CLEC5A: variants seen among roughly 807,000 people sequenced by gnomAD.
CLEC5A encodes C-type lectin domain family 5 member A.
In CLEC5A, 15 loss-of-function variants were observed where a neutral mutation model predicts 24.4. That is an observed-to-expected ratio of 0.62 (90% CI 0.41 to 0.95). The LOEUF is 0.95. Ranked by LOEUF, CLEC5A falls within the 40% of genes least tolerant of loss-of-function variation. CLEC5A has a pLI of 0.00. For synonymous variants in CLEC5A, 71 were observed against 72.6 expected, an observed-to-expected ratio of 0.98 and a Z score of 0.11; for missense variants, 211 against 224.0, an observed-to-expected ratio of 0.94 and a Z score of 0.37.
rs1197763202 is a variant in CLEC5A at position 141,929,550 on chromosome 7, T to C, written c.*554A>G. 1 of 152,374 alleles carries C rather than the reference T, an allele frequency of 6.6e-6. No homozygotes were observed. Among genetic ancestry groups the C allele is most frequent in the East Asian group, 1.9e-4 (1 of 5,170 alleles). 9.4% of individuals were successfully genotyped at this position (152,374 alleles called of 1,614,324 possible). A position where few individuals can be genotyped will look rare whatever the true frequency, so the allele number is the denominator to read the frequency against. On this transcript the variant is annotated 3_prime_UTR_variant, in exon 7 of 7. Coordinates refer to ENST00000546910, the MANE Select transcript of CLEC5A (RefSeq NM_013252.3). ...CTGCCCAGACCTCTCTCCATTCCCA[T>C]AAACAATGCTGCTGTCCGTGCTGCT...
At chr7:141,944,107 TTTC>T in intron 3 of CLEC5A, 143 bp from the exon 4 acceptor site, 1 of 547,112 alleles carries the variant, frequency 1.8e-6, no homozygotes, top group Admixed American at 2.9e-5. Flanking sequence ...TTTCAAATAA[TTTC>T]TTTCTTTGAG....
chr7:141,939,790 T>C (rs1802733451), intron 4 of CLEC5A, among the ~76,000 whole-genome samples: 2 of 152,120 alleles, frequency 1.3e-5, no homozygotes, highest in African/African-American at 4.8e-5. Flanking sequence ...GTAGCTATAC[T>C]TATTTCAGAC....
chr7:141,932,039 T>C (rs141690341), intron 5 of CLEC5A, among the ~76,000 whole-genome samples: 1 of 152,336 alleles, frequency 6.6e-6, no homozygotes, highest in East Asian at 1.9e-4. Flanking sequence ...AAACACAGAC[T>C]GCTGGGCTCC....
intron 4 of CLEC5A, chr7:141,936,402 G>T: frequency 5.0e-6 from 1 of 200,030 alleles, no homozygotes; most frequent in Admixed American, 5.8e-5. Context: ...GAGAGGGAGT[G>T]TGCAGGGATT....
chr7:141,936,177 TCA>T, intron 4 of CLEC5A: 1 of 537,632 alleles, frequency 1.9e-6, no homozygotes, highest in East Asian at 3.3e-5. Context: ...TTTCCATTAG[TCA>T]TCCCCCTACA....
In CLEC5A at chr7:141,936,627, G is replaced by A. The variant is rs529835402; in HGVS notation, c.209-677C>T. 4.1e-4 allele frequency among the ~76,000 whole-genome samples: 62 copies of A among 152,218 alleles called. 1 individual carries two copies. The Middle Eastern group carries it at 0.014, about 33-fold the overall frequency. Reference sequence around the variant, plus strand: ...TAAATAAACTTGAAGGGTAGTCTAGGCCACAAGGACTGCAACTCCTAGGCA... The same window carrying A: ...TAAATAAACTTGAAGGGTAGTCTAGACCACAAGGACTGCAACTCCTAGGCA... On this transcript the variant is annotated intron_variant, in intron 4 of 6. Coordinates refer to ENST00000546910, the MANE Select transcript of CLEC5A (RefSeq NM_013252.3).
rs541150963 is a variant in CLEC5A at position 141,938,976 on chromosome 7, G to A, written c.209-3026C>T. On this transcript the variant is annotated intron_variant, in intron 4 of 6. Transcript: ENST00000546910. Reference sequence around the variant, plus strand: ...CTTTCCCAGACAAATAAAAGCTGAGGGATTTAATCAACAGCACATCAGTCC... The same window carrying A: ...CTTTCCCAGACAAATAAAAGCTGAGAGATTTAATCAACAGCACATCAGTCC... 2.0e-5 allele frequency among the ~76,000 whole-genome samples: 3 copies of A among 152,160 alleles called. No homozygotes were observed. In the South Asian group the frequency reaches 6.2e-4, roughly 32 times the overall value.
chr7:141,933,183 T>C (rs186476114), intron 5 of CLEC5A, among the ~76,000 whole-genome samples: 1 of 152,252 alleles, frequency 6.6e-6, no homozygotes, highest in Non-Finnish European at 1.5e-5. Flanking sequence ...AATTATATAC[T>C]GGATCTGGAA....
At position 141,942,927 on chromosome 7, in the gene CLEC5A, C is replaced by T. The variant is rs782114872; in HGVS notation, c.208+969G>A. Among the ~76,000 whole-genome samples the T allele has an allele frequency of 2.8e-4, 42 of 152,014 alleles. 1 individual carries two copies. The highest frequency in any genetic ancestry group is 4.4e-5 in the Non-Finnish European group (3 of 67,964). On this transcript the variant is annotated intron_variant, in intron 4 of 6. Coordinates refer to ENST00000546910, the MANE Select transcript of CLEC5A (RefSeq NM_013252.3). Reference sequence around the variant, plus strand: ...GCTTTTATCCAAAAGGCAGGCAATACCAATGCTGGAAAGGATTTGGAGAAA... The same window carrying T: ...GCTTTTATCCAAAAGGCAGGCAATATCAATGCTGGAAAGGATTTGGAGAAA...
chr7:141,945,326 C>T lies in CLEC5A; in HGVS notation c.139+15G>A, dbSNP rs1802920314. 6.3e-7 allele frequency: 1 copy of T among 1,590,574 alleles called. No homozygotes were observed. On this transcript the variant is annotated intron_variant, in intron 3 of 6. Coordinates refer to ENST00000546910, the MANE Select transcript of CLEC5A (RefSeq NM_013252.3). ...GCAGGAGGATGGGGAGAAGATTTAC[C>T]ACCATGCAGATTACCTGTTCCATAG...
At chr7:141,940,694 A>G (rs1802766722) in intron 4 of CLEC5A, among the ~76,000 whole-genome samples, 1 of 151,952 alleles carries the variant, frequency 6.6e-6, no homozygotes, top group Non-Finnish European at 1.5e-5. Context: ...ACCAAAAAAA[A>G]AAAAGAGAAA....
rs782160318 is a variant in CLEC5A, at chr7:141,930,086, T to C, written c.*18A>G. 5.9e-5 allele frequency: 93 copies of C among 1,571,482 alleles called. No homozygotes were observed. The highest frequency in any genetic ancestry group is 1.7e-4 in the Admixed American group (10 of 59,624). ...CAAAAAGAGTTGCAAGTATAGTTCT[T>C]GTCACAGGGAACTGTGATCATTTGG... On this transcript the variant is annotated 3_prime_UTR_variant, in exon 7 of 7. Transcript: ENST00000546910.
chr7:141,934,173 A>G lies in CLEC5A; in HGVS notation c.345+1641T>C, dbSNP rs117440093. Among the ~76,000 whole-genome samples, 435 of 152,306 alleles carry G rather than the reference A, an allele frequency of 2.9e-3. 1 individual carries two copies. The highest frequency in any genetic ancestry group is 3.4e-3 in the Non-Finnish European group (233 of 68,016). On this transcript the variant is annotated intron_variant, in intron 5 of 6. Coordinates refer to ENST00000546910, the MANE Select transcript of CLEC5A (RefSeq NM_013252.3). ...AACCCACTTTAATTTGGAAAATGGT[A>G]CAGTTTAGAGCCTTAGAGGTATTAT...
intron 4 of CLEC5A, among the ~76,000 whole-genome samples, chr7:141,940,138 C>G (rs927783036): frequency 2.0e-5 from 3 of 152,072 alleles, no homozygotes; most frequent in Admixed American, 6.6e-5. Flanking sequence ...AATACACATT[C>G]TTTTCTTCAG....
intron 4 of CLEC5A, chr7:141,936,307 G>A (rs1455808181): frequency 1.4e-5 from 4 of 294,618 alleles, no homozygotes; most frequent in Admixed American, 1.0e-4. Flanking sequence ...CAGAGGGTAG[G>A]AAAGATAGTC....
intron 5 of CLEC5A, 158 bp from the exon 6 acceptor site, chr7:141,931,984 A>G (rs1802482249): frequency 2.1e-6 from 1 of 476,888 alleles, no homozygotes; most frequent in Non-Finnish European, 3.7e-6. Context: ...TAAAGAAGTC[A>G]TTGTCAAGAT....
chr7:141,943,748 A>C, intron 4 of CLEC5A, 148 bp downstream of exon 4: 1 of 632,990 alleles, frequency 1.6e-6, no homozygotes, highest in Non-Finnish European at 2.9e-6. Flanking sequence ...AGCCAAAATA[A>C]TATGTACAAA....
intron 4 of CLEC5A, among the ~76,000 whole-genome samples, chr7:141,939,391 G>A (rs1003526297): frequency 2.4e-4 from 37 of 151,992 alleles, no homozygotes; most frequent in Admixed American, 2.4e-3. Flanking sequence ...GATAGTATTT[G>A]CAAGCCTCAT....
At chr7:141,931,171 A>C (rs1473668374) in intron 6 of CLEC5A, among the ~76,000 whole-genome samples, 1 of 152,196 alleles carries the variant, frequency 6.6e-6, no homozygotes, top group East Asian at 1.9e-4. Context: ...ATCTGGGGAA[A>C]CTTGTATGTA....
Sources: gnomAD v4.1 joint callset for allele counts (sites outside exome capture counted in the v4.1 genomes callset) on GRCh38, gnomAD v4.1.1 for gene constraint, MANE v1.5 for transcripts, NCBI Gene and HGNC (gene_info 2026-07-23, HGNC 2026-07-21) for gene names.